ZNF28: variants seen among roughly 807,000 people sequenced by gnomAD.
The protein encoded by ZNF28 is zinc finger protein KOX24.
Under a neutral mutation model 7.2 loss-of-function variants are expected in ZNF28, and 5 were observed. The ratio of observed to expected loss-of-function variants is 0.70; its 90% confidence interval spans 0.36 to 1.46. The LOEUF (loss-of-function observed/expected upper bound fraction) is 1.46, where lower values mean the gene tolerates loss of function less well. ZNF28 is among the 40% of genes most tolerant of loss of function. The pLI is 0.03. For missense variants in ZNF28, 879 were observed against 866.6 expected (o/e 1.01, Z -0.18); for synonymous variants, 288 against 292.4 (o/e 0.99, Z 0.15).
intron 2 of ZNF28, among the ~76,000 whole-genome samples, chr19:52,812,158 C>G (rs1368706120): frequency 1.6e-5 from 2 of 126,342 alleles, no homozygotes; most frequent in Admixed American, 7.6e-5. Flanking sequence ...GTCAGCCCCC[C>G]GCCCGGCCAG....
At position 52,799,212 on chromosome 19, in the gene ZNF28, T is replaced by TC; in HGVS notation, c.*475_*476insG. ...GGGTTTCTCTCCAATACGAATTGCC[T>TC]TTTGAATTACAAGGTATGAATTTTG... On this transcript the variant is annotated 3_prime_UTR_variant, in exon 4 of 4. Transcript: ENST00000457749. The TC allele has an allele frequency of 2.6e-6, 1 of 390,512 alleles. No individual in the cohort carries two copies. The highest frequency in any genetic ancestry group is 5.0e-6 in the Non-Finnish European group (1 of 200,518). The allele number at this position is 390,512 out of a possible 1,614,324, so 24.2% of individuals were successfully genotyped here.
chr19:52,800,220 T>C lies in ZNF28; in HGVS notation c.1625A>G (p.His542Arg), dbSNP rs780110449. The change falls in exon 4 of 4, where the codon CAT becomes CGT. Residue 542 changes from histidine (H) to arginine (R), a missense_variant. Transcript: ENST00000457749. ...CGGTTTCTCTGCAGTATGAAGTTTA[T>C]GATGACATGCAAGGTTTGCTTTTGT... ...FSTKANLACH[H>R]KLHTAEKPYK... 1.2e-6 allele frequency: 2 copies of C among 1,613,576 alleles called. No homozygotes were observed. The highest frequency in any genetic ancestry group is 1.7e-4 in the Middle Eastern group (1 of 6,056).
At position 52,799,563 on chromosome 19, in the gene ZNF28, G is replaced by T; in HGVS notation, c.*125C>A. The T allele has an allele frequency of 6.6e-7, 1 of 1,507,898 alleles. No individual in the cohort carries two copies. Among genetic ancestry groups the T allele is most frequent in the Non-Finnish European group, 9.1e-7 (1 of 1,094,736 alleles). 93.4% of individuals were successfully genotyped at this position (1,507,898 alleles called of 1,614,324 possible). A position where few individuals can be genotyped will look rare whatever the true frequency, so the allele number is the denominator to read the frequency against. Reference sequence around the variant, plus strand: ...ATGAATGGCTTTGTGACTTACAAGGGTTGAATTGTGATGGAAGGTGTTGCC... The same window carrying T: ...ATGAATGGCTTTGTGACTTACAAGGTTTGAATTGTGATGGAAGGTGTTGCC... On this transcript the variant is annotated 3_prime_UTR_variant, in exon 4 of 4. Transcript: ENST00000457749.
rs2062829922 is a variant in ZNF28, at chr19:52,799,106, T to G, written c.*582A>C. The G allele has an allele frequency of 4.8e-6, 2 of 420,080 alleles. No individual in the cohort carries two copies. The highest frequency in any genetic ancestry group is 9.2e-6 in the Non-Finnish European group (2 of 216,954). The allele number at this position is 420,080 out of a possible 1,614,324, so 26.0% of individuals were successfully genotyped here. On this transcript the variant is annotated 3_prime_UTR_variant, in exon 4 of 4. Coordinates refer to ENST00000457749, the MANE Select transcript of ZNF28 (RefSeq NM_006969.5). The stretch of plus-strand genomic sequence containing the variant: ...TGTCACAGTCTTCACATTTGTAAGA[T>G]TTCTCTGCAGTATGAAGACTATGAT...
chr19:52,799,022 G>GT lies in ZNF28; in HGVS notation c.*665dup, dbSNP rs1454373454. ...CTTGTTACAAACCTTACATTTGTAT[G>GT]TTTTTTCTCCAGTATGAATTCTCCT... On this transcript the variant is annotated 3_prime_UTR_variant, in exon 4 of 4. Transcript: ENST00000457749. The GT allele has an allele frequency of 2.8e-6, 2 of 702,656 alleles. No homozygotes were observed. The highest frequency in any genetic ancestry group is 4.5e-6 in the Non-Finnish European group (2 of 442,280). 43.5% of individuals were successfully genotyped at this position (702,656 alleles called of 1,614,324 possible).
chr19:52,820,699 C>T (rs2063186434), intron 1 of ZNF28, among the ~76,000 whole-genome samples: 1 of 152,202 alleles, frequency 6.6e-6, no homozygotes, highest in South Asian at 2.1e-4. Context: ...TGCCCCTCTC[C>T]CTACCTTGCT....
At chr19:52,819,034 G>GA (rs2063162765) in intron 1 of ZNF28, among the ~76,000 whole-genome samples, 1 of 142,444 alleles carries the variant, frequency 7.0e-6, no homozygotes, top group African/African-American at 2.7e-5. Flanking sequence ...ATCTGAAGGA[G>GA]AAAGGGACAG....
At chr19:52,807,694 TG>T (rs2062953726) in intron 3 of ZNF28, among the ~76,000 whole-genome samples, 1 of 152,020 alleles carries the variant, frequency 6.6e-6, no homozygotes, top group Non-Finnish European at 1.5e-5. Context: ...ATGCTGGTTT[TG>T]AACTCCTCAC....
rs763926855 is a variant in ZNF28, at chr19:52,801,300, C to A, written c.545G>T (p.Cys182Phe). The A allele has an allele frequency of 2.5e-6, 4 of 1,614,102 alleles. No homozygotes were observed. The highest frequency in any genetic ancestry group is 3.3e-4 in the Middle Eastern group (2 of 6,062). The change falls in exon 4 of 4, where the codon TGT becomes TTT. Residue 182 changes from cysteine (C) to phenylalanine (F), a missense_variant. Cys to Phe is a radical substitution (Grantham distance 205). Around this residue, in one of 2 missense-constraint regions of ZNF28, gnomAD observed 864 missense variants for 830.2 expected, o/e 1.04. Coordinates refer to ENST00000457749, the MANE Select transcript of ZNF28 (RefSeq NM_006969.5). ...ATTAGAAATATGGGTTTTGGGCCTA[C>A]AACAAATTCTTTGGGATGTTGAAAC... Reference protein sequence around the residue: ...SSVSTSQRICCRPKTHISNKY... With the variant: ...SSVSTSQRICFRPKTHISNKY...
intron 2 of ZNF28, chr19:52,810,705 C>T: frequency 2.7e-6 from 2 of 749,126 alleles, no homozygotes; most frequent in East Asian, 5.2e-5. Flanking sequence ...ATTCCCCTTA[C>T]TAAAAAAAAT....
At chr19:52,812,575 C>A (rs113971702) in intron 2 of ZNF28, among the ~76,000 whole-genome samples, 1 of 116,496 alleles carries the variant, frequency 8.6e-6, no homozygotes, top group Non-Finnish European at 1.8e-5. Context: ...CAGCATGCTC[C>A]TTAAGAGTCA....
chr19:52,812,741 G>GCC (rs2063068922), intron 2 of ZNF28, among the ~76,000 whole-genome samples: 2 of 78,264 alleles, frequency 2.6e-5, no homozygotes, highest in Admixed American at 1.9e-4. Flanking sequence ...CCCTCTGCGA[G>GCC]AAACACCCAA....
rs1465981768 is a variant in ZNF28 at position 52,798,023 on chromosome 19, G to A, written c.*1665C>T. On this transcript the variant is annotated 3_prime_UTR_variant, in exon 4 of 4. Transcript: ENST00000457749. ...TGTAGTCCCAGCTAGTCAGGAGACT[G>A]AGGCAGGAGGATCGCTTGAACCTGG... 6.5e-6 allele frequency: 1 copy of A among 152,808 alleles called. No homozygotes were observed. Among genetic ancestry groups the A allele is most frequent in the African/African-American group, 2.4e-5 (1 of 41,436 alleles). 9.5% of individuals were successfully genotyped at this position (152,808 alleles called of 1,614,324 possible).
Position 52,798,754 on chromosome 19 carries a change from A to C in ZNF28, c.*934T>G. On this transcript the variant is annotated 3_prime_UTR_variant, in exon 4 of 4. Transcript: ENST00000457749. The stretch of plus-strand genomic sequence containing the variant: ...ATGAACGATATCTGAAAAATCTGTC[A>C]CATTTATTACACTTGTAAGATCTCT... 1.7e-6 allele frequency: 1 copy of C among 593,940 alleles called. No individual in the cohort carries two copies. The highest frequency in any genetic ancestry group is 3.0e-6 in the Non-Finnish European group (1 of 331,818). The allele number at this position is 593,940 out of a possible 1,614,324, so 36.8% of individuals were successfully genotyped here. A position where few individuals can be genotyped will look rare whatever the true frequency, so the allele number is the denominator to read the frequency against.
chr19:52,801,378 G>C lies in ZNF28; in HGVS notation c.467C>G (p.Pro156Arg). 6.2e-7 allele frequency: 1 copy of C among 1,614,152 alleles called. No homozygotes were observed. Among genetic ancestry groups the C allele is most frequent in the Non-Finnish European group, 8.5e-7 (1 of 1,180,026 alleles). Residue 156 changes from proline to arginine, a missense_variant, in exon 4 of 4, where the codon CCT becomes CGT. Pro to Arg is a moderately radical substitution (Grantham distance 103, BLOSUM62 -2). Around this residue, in one of 2 missense-constraint regions of ZNF28, gnomAD observed 864 missense variants for 830.2 expected, o/e 1.04. Transcript: ENST00000457749. ...AACTTGATTACCAATTTTCCCTTCA[G>C]GCTGAAATATGTGCAGTTCAGGCAG... is the stretch of plus-strand genomic sequence containing the variant. ...SHLPELHIFQPEGKIGNQVEK... is the reference protein window; with the variant it reads ...SHLPELHIFQREGKIGNQVEK...
Position 52,801,749 on chromosome 19 carries a change from G to A in ZNF28, c.143-47C>T, listed in dbSNP as rs757148047. On this transcript the variant is annotated intron_variant, in intron 3 of 3. Transcript: ENST00000457749. ...AGGTTTCCAATGAAGTACAGATGGT[G>A]TATAATACTGAAATGTGTAAATATG... is the stretch of plus-strand genomic sequence containing the variant. 17 of 1,511,244 alleles carry A rather than the reference G, an allele frequency of 1.1e-5. No homozygotes were observed. The Admixed American group carries it at 1.6e-4, about 14-fold the overall frequency. 93.6% of individuals were successfully genotyped at this position (1,511,244 alleles called of 1,614,324 possible).
chr19:52,809,632 C>T (rs1028736940), intron 2 of ZNF28, among the ~76,000 whole-genome samples: 1 of 152,086 alleles, frequency 6.6e-6, no homozygotes, highest in Non-Finnish European at 1.5e-5. Context: ...ATAATGAAAG[C>T]CCTTCTCTAC....
chr19:52,819,480 C>A lies in ZNF28; in HGVS notation c.-73-1449G>T, dbSNP rs1376341079. Among the ~76,000 whole-genome samples the A allele has an allele frequency of 1.2e-4, 12 of 100,718 alleles. 2 individuals are homozygous for A. Among genetic ancestry groups the A allele is most frequent in the Admixed American group, 8.7e-4 (9 of 10,336 alleles). 66.1% of individuals were successfully genotyped at this position (100,718 alleles called of 152,430 possible). A position where few individuals can be genotyped will look rare whatever the true frequency, so the allele number is the denominator to read the frequency against. On this transcript the variant is annotated intron_variant, in intron 1 of 3. Coordinates refer to ENST00000457749, the MANE Select transcript of ZNF28 (RefSeq NM_006969.5). ...GCACTCCCCTCTACCAGAAAAAAAG[C>A]CACACCCAGACACCCACTCTATTTT... is the stretch of plus-strand genomic sequence containing the variant.
intron 2 of ZNF28, among the ~76,000 whole-genome samples, chr19:52,811,025 G>C (rs920555158): frequency 2.9e-5 from 4 of 140,152 alleles, no homozygotes; most frequent in South Asian, 2.7e-4. Flanking sequence ...GAGTGCCTGC[G>C]ATTGCAGGCA....
Sources: gnomAD v4.1 joint callset for allele counts (sites outside exome capture counted in the v4.1 genomes callset) on GRCh38, gnomAD v4.1.1 for gene constraint, gnomAD v4.1.1 regional missense constraint, MANE v1.5 for transcripts, NCBI Gene and HGNC (gene_info 2026-07-23, HGNC 2026-07-21) for gene names.